The following HCFC1 variants were observed in gnomAD, a reference collection of about 807,000 sequenced individuals.
HCFC1 encodes the protein host cell factor C1.
In HCFC1, 7 loss-of-function variants were observed where a neutral mutation model predicts 105.5. The ratio of observed to expected loss-of-function variants is 0.07; its 90% CI spans 0.04 to 0.12. HCFC1 has a LOEUF of 0.12. Ranked by LOEUF, HCFC1 falls within the 10% of genes least tolerant of loss-of-function variation. HCFC1 has a pLI of 1.00. For synonymous variants in HCFC1, 918 were observed against 828.1 expected, an observed-to-expected ratio of 1.11 and a Z score of -1.86; for missense variants, 1,065 against 1,823.6, an observed-to-expected ratio of 0.58 and a Z score of 7.58.
At chrX:153,968,591 AGG>A in intron 1 of HCFC1, among the ~76,000 whole-genome samples, 1 of 112,545 alleles carries the variant, frequency 8.9e-6, no homozygotes, top group Non-Finnish European at 1.9e-5. Flanking sequence ...TTTGGAAGGC[AGG>A]CTACCCCTCT....
At chrX:153,950,030 A>G (rs782301494) in intron 24 of HCFC1, among the ~76,000 whole-genome samples, 2 of 111,008 alleles carry the variant, frequency 1.8e-5, no homozygotes, top group Non-Finnish European at 3.8e-5. Flanking sequence ...TGTCCCCTCA[A>G]ACATCCTGGG....
chrX:153,957,955 T>C (rs782740564), intron 11 of HCFC1, 69 bp from the exon 12 acceptor site: 32 of 1,151,744 alleles, frequency 2.8e-5, no homozygotes, highest in Non-Finnish European at 3.7e-5. Flanking sequence ...GCTGAGACTC[T>C]CCTGGAGCTG....
At chrX:153,953,009 C>T (rs2065330027) in intron 18 of HCFC1, 51 bp from the exon 19 acceptor site, 1 of 1,033,955 alleles carries the variant, frequency 9.7e-7, no homozygotes, top group Admixed American at 2.6e-5. Flanking sequence ...TCTGTGTTGG[C>T]TATGGTCACT....
At position 153,956,230 on chromosome X, in the gene HCFC1, T is replaced by A. The variant is rs782349400; in HGVS notation, c.2817A>T (p.Thr939=). Residue 939 remains threonine, a synonymous_variant, in exon 16 of 26, where the codon ACA becomes ACT. Coordinates refer to ENST00000310441, the MANE Select transcript of HCFC1 (RefSeq NM_005334.3). ...ITVSAAQTTL[T]AAGGLTTPTI... is the part of the protein sequence containing the mutation. ...TTGGGGTTGTGAGCCCGCCTGCCGC[T>A]GTCAGCGTGGTCTGTGCGGCCGACA... 45 of 1,211,230 alleles carry A rather than the reference T, an allele frequency of 3.7e-5. No individual in the cohort carries two copies. The South Asian group carries it at 7.4e-4, about 20-fold the overall frequency.
chrX:153,966,615 G>A (rs2065476182), intron 1 of HCFC1, among the ~76,000 whole-genome samples: 1 of 112,313 alleles, frequency 8.9e-6, no homozygotes, highest in South Asian at 3.7e-4. Context: ...AACGCATAAC[G>A]AGACCTAAGG....
chrX:153,970,023 G>A (rs1252609954), intron 1 of HCFC1: 10 of 113,134 alleles, frequency 8.8e-5, no homozygotes, highest in Admixed American at 6.5e-4. Context: ...GTCGGCGGAT[G>A]TTAAACTCTG....
In HCFC1 at chrX:153,963,319, C is replaced by T; in HGVS notation, c.618G>A (p.Val206=). 2 of 1,210,140 alleles carry T rather than the reference C, an allele frequency of 1.7e-6. No homozygotes were observed. The highest frequency in any genetic ancestry group is 3.5e-5 in the South Asian group (2 of 56,974). The change falls in exon 4 of 26, where the codon GTG becomes GTA. Residue 206 remains valine (V), a synonymous_variant. Coordinates refer to ENST00000310441, the MANE Select transcript of HCFC1 (RefSeq NM_005334.3). ...LPPPRESHTA[V]VYTEKDNKKS... ...TCTTATTGTCTTTTTCGGTGTAGAC[C>T]ACGGCAGTATGTGACTCCCGGGGTG...
chrX:153,970,145 C>G (rs1438998123), intron 1 of HCFC1: 1 of 107,840 alleles, frequency 9.3e-6, no homozygotes, highest in African/African-American at 3.4e-5. Flanking sequence ...GAGAGCTGAG[C>G]AGGCGCAGGA....
At position 153,971,791 on chromosome X, in the gene HCFC1, C is replaced by T. The variant is rs782225368; in HGVS notation, c.-951G>A. 6.7e-6 allele frequency: 2 copies of T among 296,409 alleles called. No homozygotes were observed. The highest frequency in any genetic ancestry group is 2.0e-4 in the South Asian group (1 of 5,007). 24.4% of individuals were successfully genotyped at this position (296,409 alleles called of 1,213,427 possible). ...AGCGGTAACGGCAGGGCGCTCATGCCTCCTCCCTGGGAGCCGCCATCTTGT... is the reference window on the plus strand; with the variant it reads ...AGCGGTAACGGCAGGGCGCTCATGCTTCCTCCCTGGGAGCCGCCATCTTGT... On this transcript the variant is annotated 5_prime_UTR_variant, in exon 1 of 26. Coordinates refer to ENST00000310441, the MANE Select transcript of HCFC1 (RefSeq NM_005334.3).
chrX:153,953,161 A>C lies in HCFC1; in HGVS notation c.4498-203T>G, dbSNP rs189306390. The C allele has an allele frequency of 2.3e-4, 104 of 454,362 alleles. 1 individual carries two copies. The highest frequency in any genetic ancestry group is 2.0e-3 in the South Asian group (64 of 31,388). 37.4% of individuals were successfully genotyped at this position (454,362 alleles called of 1,213,427 possible). A position where few individuals can be genotyped will look rare whatever the true frequency, so the allele number is the denominator to read the frequency against. ...GAGCCAGGCAGCAGGGCTGAGAAGC[A>C]AGCCAGCCCTCACCTTTCCTTGTGG... On this transcript the variant is annotated intron_variant, in intron 18 of 25. Coordinates refer to ENST00000310441, the MANE Select transcript of HCFC1 (RefSeq NM_005334.3).
In HCFC1 at chrX:153,949,115, C is replaced by A; in HGVS notation, c.*232G>T. 1 of 342,877 alleles carries A rather than the reference C, an allele frequency of 2.9e-6. No homozygotes were observed. The highest frequency in any genetic ancestry group is 2.6e-5 in the African/African-American group (1 of 38,418). The allele number at this position is 342,877 out of a possible 1,213,427, so 28.3% of individuals were successfully genotyped here. A position where few individuals can be genotyped will look rare whatever the true frequency, so the allele number is the denominator to read the frequency against. On this transcript the variant is annotated 3_prime_UTR_variant, in exon 26 of 26. Transcript: ENST00000310441. ...GCGGCAGCGGGGAGGAAAGGAAGCG[C>A]GCTCCTCTCTCTGCTTTCCCATCTG...
intron 1 of HCFC1, among the ~76,000 whole-genome samples, chrX:153,967,650 C>G (rs1286552078): frequency 8.9e-6 from 1 of 112,105 alleles, no homozygotes. Context: ...GAGCTCTGAC[C>G]AAGCCGGGCC....
intron 17 of HCFC1, 27 bp from the exon 18 acceptor site, chrX:153,953,797 C>G (rs3027880): frequency 8.5e-7 from 1 of 1,179,277 alleles, no homozygotes. Context: ...CAGGCGGCTG[C>G]TCAGCAGGAG....
Position 153,951,578 on chromosome X carries a change from AC to A in HCFC1, c.5379+10del, listed in dbSNP as rs1557112479. On this transcript the variant is annotated intron_variant, in intron 21 of 25. Coordinates refer to ENST00000310441, the MANE Select transcript of HCFC1 (RefSeq NM_005334.3). Reference sequence around the variant, plus strand: ...GCCACGGACTCAGGAGCCCCAACACACCCGACTCACCACACCCAGGGACTCG... The same window carrying A: ...GCCACGGACTCAGGAGCCCCAACACACCGACTCACCACACCCAGGGACTCG... 8.3e-7 allele frequency: 1 copy of A among 1,205,327 alleles called. No individual in the cohort carries two copies. Among genetic ancestry groups the A allele is most frequent in the Admixed American group, 2.2e-5 (1 of 45,940 alleles).
chrX:153,957,860 C>T lies in HCFC1; in HGVS notation c.2055G>A (p.Ser685=), dbSNP rs1557115590. ...TCTGAACTGGTTTGGTCTGGACCAC[C>T]GACATCACTTTGCCCAGATTGGAAA... ...ALISNLGKVM[S]VVQTKPVQTS... Residue 685 remains serine, a synonymous_variant, in exon 12 of 26, where the codon TCG becomes TCA. Coordinates refer to ENST00000310441, the MANE Select transcript of HCFC1 (RefSeq NM_005334.3). The T allele has an allele frequency of 5.8e-6, 7 of 1,208,418 alleles. No homozygotes were observed. Among genetic ancestry groups the T allele is most frequent in the South Asian group, 5.3e-5 (3 of 56,786 alleles).
chrX:153,953,715 G>A lies in HCFC1; in HGVS notation c.4389C>T (p.Ser1463=), dbSNP rs372377791. 5.9e-5 allele frequency: 71 copies of A among 1,208,998 alleles called. No individual in the cohort carries two copies. Among genetic ancestry groups the A allele is most frequent in the Non-Finnish European group, 7.7e-5 (69 of 894,573 alleles). ...QGEVESTQGD[S]VNITSSSAIT... is the part of the protein sequence containing the mutation. ...TGGCACTGGAGCTGGTGATGTTCAC[G>A]CTGTCGCCCTGGGTGCTCTCCACCT... The change falls in exon 18 of 26, where the codon AGC becomes AGT. Residue 1463 remains serine, a synonymous_variant. Coordinates refer to ENST00000310441, the MANE Select transcript of HCFC1 (RefSeq NM_005334.3).
chrX:153,963,299 T>C lies in HCFC1; in HGVS notation c.638A>G (p.Asn213Ser), dbSNP rs1185968415. The C allele has an allele frequency of 2.5e-6, 3 of 1,209,514 alleles. No individual in the cohort carries two copies. Among genetic ancestry groups the C allele is most frequent in the African/African-American group, 3.5e-5 (2 of 57,234 alleles). ...GTAGATCACCAGCTTGGACTTCTTA[T>C]TGTCTTTTTCGGTGTAGACCACGGC... is the stretch of plus-strand genomic sequence containing the variant. Reference protein sequence around the residue: ...HTAVVYTEKDNKKSKLVIYGG... With the variant: ...HTAVVYTEKDSKKSKLVIYGG... The change falls in exon 4 of 26, where the codon AAT becomes AGT. Residue 213 changes from asparagine (N) to serine (S), a missense_variant. Transcript: ENST00000310441.
In HCFC1 at chrX:153,955,427, G is replaced by C. The variant is rs782636507; in HGVS notation, c.2972C>G (p.Thr991Ser). The change falls in exon 17 of 26, where the codon ACC (threonine) becomes AGC (serine). Residue 991 changes from threonine to serine, a missense_variant. This residue lies in a region of HCFC1 where 546 missense variants were observed against 599.9 expected (regional missense o/e 0.91). Transcript: ENST00000310441. ...TGAGTCGGCGATGGTAACTGTGGCG[G>C]TGGGCTGTTCTGTAGTCGGGGAGGC... Reference protein sequence around the residue: ...ILASPTTEQPTATVTIADSGQ... With the variant: ...ILASPTTEQPSATVTIADSGQ... 9.1e-6 allele frequency: 11 copies of C among 1,209,684 alleles called. No individual in the cohort carries two copies. The Admixed American group carries it at 2.2e-4, about 24-fold the overall frequency.
chrX:153,970,578 G>A (rs1319093339), intron 1 of HCFC1, 70 bp downstream of exon 1: 11 of 756,574 alleles, frequency 1.5e-5, no homozygotes, highest in Non-Finnish European at 2.1e-5. Context: ...GAGGGAGGGA[G>A]GAAAGAGGAG....
Sources: allele counts gnomAD v4.1 joint callset (sites outside exome capture counted in the v4.1 genomes callset), GRCh38; gene constraint gnomAD v4.1.1; regional missense constraint gnomAD v4.1.1; transcripts MANE v1.5; gene names NCBI Gene and HGNC (gene_info 2026-07-23, HGNC 2026-07-21).